The following ZFP1 variants were observed in gnomAD, a reference collection of about 807,000 sequenced individuals.
ZFP1 encodes zinc finger protein 1 homolog.
A neutral mutation model predicts 38.5 loss-of-function variants in ZFP1; 32 were observed. That is an observed-to-expected ratio of 0.83 (90% CI 0.63 to 1.12). The LOEUF is 1.12. Ranked by LOEUF, ZFP1 falls within the 50% of genes most tolerant of loss-of-function variation. ZFP1 has a pLI of 0.00. For missense variants in ZFP1, 616 were observed against 480.8 expected (o/e 1.28, Z -2.63); for synonymous variants, 245 against 168.8 (o/e 1.45, Z -3.50).
chr16:75,169,116 A>T, intron 3 of ZFP1, 137 bp from the exon 4 acceptor site: 1 of 1,179,246 alleles, frequency 8.5e-7, no homozygotes, highest in Non-Finnish European at 1.1e-6. Flanking sequence ...TTGCACTGGG[A>T]ATTTTTTAAT....
chr16:75,142,475 C>G, the ZFP1 span, among the ~76,000 whole-genome samples: 8 of 152,150 alleles, frequency 5.3e-5, no homozygotes, highest in African/African-American at 1.9e-4. Flanking sequence ...GACCTGCCAT[C>G]ACTCTAAGAC....
At chr16:75,125,370 G>A in the ZFP1 span, among the ~76,000 whole-genome samples, 1 of 152,284 alleles carries the variant, frequency 6.6e-6, no homozygotes, top group Admixed American at 6.5e-5. Context: ...CGCCCAGGCT[G>A]GTGTGCAATG....
At chr16:75,129,303 TC>T in the ZFP1 span, among the ~76,000 whole-genome samples, 1 of 152,094 alleles carries the variant, frequency 6.6e-6, no homozygotes, top group Non-Finnish European at 1.5e-5. Flanking sequence ...CCATGAGAGA[TC>T]AGATGAAACC....
At chr16:75,167,206 G>C (rs980995222) in intron 3 of ZFP1, among the ~76,000 whole-genome samples, 1 of 152,214 alleles carries the variant, frequency 6.6e-6, no homozygotes, top group Admixed American at 6.5e-5. Context: ...AAGGGAGATA[G>C]GACGGGAGAG....
upstream of ZFP1, among the ~76,000 whole-genome samples, chr16:75,148,205 T>G (rs2036981770): frequency 6.6e-6 from 1 of 152,228 alleles, no homozygotes; most frequent in South Asian, 2.1e-4. Context: ...TGTACATATA[T>G]TCTAATTAAA....
At chr16:75,165,632 C>T (rs1237913212) in intron 2 of ZFP1, among the ~76,000 whole-genome samples, 1 of 152,140 alleles carries the variant, frequency 6.6e-6, no homozygotes, top group African/African-American at 2.4e-5. Flanking sequence ...TGTGATCCGC[C>T]CACCTCGGCT....
chr16:75,137,295 C>G, the ZFP1 span, among the ~76,000 whole-genome samples: 1 of 151,910 alleles, frequency 6.6e-6, no homozygotes, highest in Non-Finnish European at 1.5e-5. Context: ...GTTAAGTATT[C>G]ATGAGTCCAT....
chr16:75,124,722 G>A, the ZFP1 span, among the ~76,000 whole-genome samples: 1 of 147,046 alleles, frequency 6.8e-6, no homozygotes. Flanking sequence ...GGGAGGCGGA[G>A]CTTGCGGCGA....
the ZFP1 span, among the ~76,000 whole-genome samples, chr16:75,130,776 C>G: frequency 6.6e-6 from 1 of 151,962 alleles, no homozygotes; most frequent in Non-Finnish European, 1.5e-5. Context: ...TACCGTAATA[C>G]TCACATGAGT....
At chr16:75,158,905 C>CT (rs71158583) in intron 2 of ZFP1, among the ~76,000 whole-genome samples, 1,747 of 125,122 alleles carry the variant, frequency 0.014, 31 homozygotes, top group African/African-American at 0.042. Flanking sequence ...TTTGTCTTGT[C>CT]TTTTTTTTTT....
At chr16:75,166,938 G>A in intron 3 of ZFP1, 42 bp downstream of exon 3, 4 of 1,589,856 alleles carry the variant, frequency 2.5e-6, no homozygotes, top group East Asian at 2.2e-5. Context: ...GTGCCTAGAG[G>A]TATTTATGTC....
the ZFP1 span, chr16:75,132,380 A>G: frequency 1.3e-5 from 2 of 152,280 alleles, no homozygotes; most frequent in South Asian, 4.2e-4. Context: ...CTGTCTCAAA[A>G]AAAAAAAAAA....
chr16:75,130,134 G>T, the ZFP1 span, among the ~76,000 whole-genome samples: 2 of 151,992 alleles, frequency 1.3e-5, no homozygotes, highest in Non-Finnish European at 2.9e-5. Flanking sequence ...GTAGCTAGCT[G>T]GGATTACAGG....
At chr16:75,136,402 T>C in the ZFP1 span, among the ~76,000 whole-genome samples, 2 of 152,194 alleles carry the variant, frequency 1.3e-5, no homozygotes, top group African/African-American at 4.8e-5. Context: ...ACTGGAACAA[T>C]AGTCAATAGT....
At chr16:75,123,879 C>G in the ZFP1 span, among the ~76,000 whole-genome samples, 2 of 151,774 alleles carry the variant, frequency 1.3e-5, no homozygotes, top group South Asian at 4.2e-4. Flanking sequence ...ATCACAAGGT[C>G]AGGAAATCAA....
intron 1 of ZFP1, among the ~76,000 whole-genome samples, chr16:75,150,383 A>ATT (rs35210179): frequency 1.4e-3 from 210 of 149,228 alleles, no homozygotes; most frequent in Non-Finnish European, 2.1e-3. Context: ...TAATTTTTTT[A>ATT]TTTTTTTTTG....
chr16:75,128,607 G>C, the ZFP1 span, among the ~76,000 whole-genome samples: 1 of 152,068 alleles, frequency 6.6e-6, no homozygotes, highest in Non-Finnish European at 1.5e-5. Flanking sequence ...TCTTGGCAAC[G>C]TGTCTTCAAA....
At chr16:75,130,083 A>G in the ZFP1 span, among the ~76,000 whole-genome samples, 5 of 151,676 alleles carry the variant, frequency 3.3e-5, no homozygotes, top group African/African-American at 9.7e-5. Flanking sequence ...TGCAACCTCC[A>G]CCTCCTGGGT....
chr16:75,166,439 T>C, intron 2 of ZFP1: 1 of 491,926 alleles, frequency 2.0e-6, no homozygotes, highest in Non-Finnish European at 2.6e-6. Flanking sequence ...TTGTCCAGGC[T>C]GGTCTCGAAC....
Sources: allele counts gnomAD v4.1 joint callset (sites outside exome capture counted in the v4.1 genomes callset), GRCh38; gene constraint gnomAD v4.1.1; transcripts MANE v1.5; gene names NCBI Gene and HGNC (gene_info 2026-07-23, HGNC 2026-07-21).